Variants in RASEF observed in about 807,000 individuals in gnomAD.
RASEF encodes the protein RAS and EF-hand domain containing, also known as ras and EF-hand domain-containing protein.
A neutral mutation model predicts 90.1 loss-of-function variants in RASEF; 68 were observed. The observed-to-expected ratio is 0.75, with a 90% confidence interval of 0.62 to 0.92. The LOEUF is 0.92. RASEF is among the 40% of genes least tolerant of loss of function. The pLI, the probability that RASEF is intolerant of heterozygous loss-of-function variation, is 0.00. For missense variants in RASEF, 949 were observed against 937.2 expected (o/e 1.01, Z -0.16); for synonymous variants, 331 against 345.2 (o/e 0.96, Z 0.46).
At chr9:83,144,391 G>GAAAGGAAA in the RASEF span, among the ~76,000 whole-genome samples, 36 of 33,230 alleles carry the variant, frequency 1.1e-3, no homozygotes, top group African/African-American at 3.2e-3. Context: ...AAGAAAGAAA[G>GAAAGGAAA]GAAAGAAAGA....
intron 16 of RASEF, among the ~76,000 whole-genome samples, chr9:82,986,268 A>C (rs1170832893): frequency 6.6e-6 from 1 of 152,234 alleles, no homozygotes; most frequent in Non-Finnish European, 1.5e-5. Context: ...AAATGGGTAC[A>C]ATAACCATAG....
At chr9:83,203,075 T>G in the RASEF span, among the ~76,000 whole-genome samples, 1 of 152,204 alleles carries the variant, frequency 6.6e-6, no homozygotes, top group South Asian at 2.1e-4. Context: ...GGAATCTATA[T>G]ATATAGATAT....
the RASEF span, among the ~76,000 whole-genome samples, chr9:83,115,551 T>G: frequency 6.6e-6 from 1 of 152,178 alleles, no homozygotes; most frequent in Non-Finnish European, 1.5e-5. Flanking sequence ...TTTCTTCTCT[T>G]CCATTCATGA....
chr9:83,124,281 T>C, the RASEF span, among the ~76,000 whole-genome samples: 10 of 152,258 alleles, frequency 6.6e-5, no homozygotes, highest in Non-Finnish European at 1.5e-4. Context: ...TCTGTTCAAG[T>C]TCCTGCCTTC....
At chr9:83,008,384 A>C (rs555386801) in intron 6 of RASEF, among the ~76,000 whole-genome samples, 4 of 151,780 alleles carry the variant, frequency 2.6e-5, no homozygotes, top group Admixed American at 6.6e-5. Context: ...TTGCTTTTCT[A>C]TTCAAAATGT....
At chr9:83,196,825 A>G in the RASEF span, among the ~76,000 whole-genome samples, 1 of 152,232 alleles carries the variant, frequency 6.6e-6, no homozygotes, top group African/African-American at 2.4e-5. Flanking sequence ...TGTGCAAATT[A>G]ATCTTTATAG....
chr9:83,176,240 A>G, the RASEF span, among the ~76,000 whole-genome samples: 7 of 152,282 alleles, frequency 4.6e-5, no homozygotes, highest in African/African-American at 1.7e-4. Context: ...CCCATTTATC[A>G]TTATGAAATC....
chr9:83,115,995 C>G, the RASEF span, among the ~76,000 whole-genome samples: 3 of 152,030 alleles, frequency 2.0e-5, no homozygotes, highest in Non-Finnish European at 2.9e-5. Context: ...GTATACCATG[C>G]CTTTTTTGAA....
the RASEF span, among the ~76,000 whole-genome samples, chr9:83,179,501 C>A: frequency 1.3e-5 from 2 of 152,138 alleles, no homozygotes; most frequent in South Asian, 4.2e-4. Context: ...AAAAGGAAAG[C>A]CTTTAGTATC....
chr9:83,145,701 A>C, the RASEF span, among the ~76,000 whole-genome samples: 77 of 152,188 alleles, frequency 5.1e-4, 1 homozygote, highest in Middle Eastern at 6.8e-3. Flanking sequence ...AAAAATAAAG[A>C]AGAGAGAAAA....
At chr9:83,187,220 C>T in the RASEF span, among the ~76,000 whole-genome samples, 1 of 152,120 alleles carries the variant, frequency 6.6e-6, no homozygotes, top group East Asian at 1.9e-4. Flanking sequence ...GTATCTTTCC[C>T]ATGTAGTCCT....
intron 1 of RASEF, among the ~76,000 whole-genome samples, chr9:83,030,396 T>C (rs1198407047): frequency 6.6e-6 from 1 of 152,074 alleles, no homozygotes; most frequent in African/African-American, 2.4e-5. Flanking sequence ...AGTCCTTGTT[T>C]GCTGGCTATC....
chr9:83,049,178 TTATAACA>T (rs1218312013), intron 1 of RASEF: 3 of 340,378 alleles, frequency 8.8e-6, no homozygotes, highest in Non-Finnish European at 1.2e-5. Flanking sequence ...TAAACATTGC[TTATAACA>T]TATTACACTT....
chr9:83,048,839 T>A, intron 1 of RASEF: 1 of 859,954 alleles, frequency 1.2e-6, no homozygotes, highest in Non-Finnish European at 1.4e-6. Flanking sequence ...TATTAAAGAC[T>A]CCTGTGAGGC....
At chr9:83,166,922 G>A in the RASEF span, among the ~76,000 whole-genome samples, 3 of 152,112 alleles carry the variant, frequency 2.0e-5, no homozygotes, top group Non-Finnish European at 4.4e-5. Context: ...TCTAAGATAT[G>A]AGACTTAAAG....
At chr9:82,987,660 A>C (rs1232890099) in intron 16 of RASEF, among the ~76,000 whole-genome samples, 1 of 152,188 alleles carries the variant, frequency 6.6e-6, no homozygotes, top group African/African-American at 2.4e-5. Context: ...GAGCCATATA[A>C]CTTTAATATG....
At chr9:83,049,393 A>C (rs981348739) in intron 1 of RASEF, 1 of 927,804 alleles carries the variant, frequency 1.1e-6, no homozygotes, top group African/African-American at 1.8e-5. Flanking sequence ...GGCTATCTTG[A>C]ACACATTTCT....
chr9:83,161,365 T>A, the RASEF span, among the ~76,000 whole-genome samples: 1 of 152,106 alleles, frequency 6.6e-6, no homozygotes, highest in Non-Finnish European at 1.5e-5. Flanking sequence ...TCAAAGGAGA[T>A]CATTTTGGAG....
Position 83,000,251 on chromosome 9 carries a change from A to G in RASEF, c.1641T>C (p.Ala547=). 1 of 1,614,114 alleles carries G rather than the reference A, an allele frequency of 6.2e-7. No homozygotes were observed. Among genetic ancestry groups the G allele is most frequent in the Non-Finnish European group, 8.5e-7 (1 of 1,179,996 alleles). Residue 547 remains alanine, a synonymous_variant, in exon 12 of 17, where the codon GCT becomes GCC. Coordinates refer to ENST00000376447, the MANE Select transcript of RASEF (RefSeq NM_152573.4). ...SSQKAYKIVL[A]GDAAVGKSSF... is the part of the protein sequence containing the mutation. ...TAGACTTCCCCACTGCAGCGTCCCC[A>G]GCAAGTACAATCTTGTAAGCCTTCT...
Sources: gnomAD v4.1 joint callset for allele counts (sites outside exome capture counted in the v4.1 genomes callset) on GRCh38, gnomAD v4.1.1 for gene constraint, MANE v1.5 for transcripts, NCBI Gene and HGNC (gene_info 2026-07-23, HGNC 2026-07-21) for gene names.